THRB: variants seen among roughly 807,000 people sequenced by gnomAD.
The protein encoded by THRB is thyroid hormone receptor beta.
THRB carries 12 observed loss-of-function variants against 47.8 expected under a neutral mutation model. The observed-to-expected ratio is 0.25, with a 90% confidence interval of 0.16 to 0.41. The LOEUF is 0.41. THRB is among the 10% of genes least tolerant of loss of function. The pLI, the probability that THRB is intolerant of heterozygous loss-of-function variation, is 1.00. For synonymous variants in THRB, 218 were observed against 212.2 expected (o/e 1.03, Z -0.24); for missense variants, 348 against 589.2 (o/e 0.59, Z 4.24).
chr3:24,292,305 T>C (rs73148356), intron 3 of THRB, among the ~76,000 whole-genome samples: 5,039 of 152,268 alleles, frequency 0.033, 290 homozygotes, highest in African/African-American at 0.12. Flanking sequence ...CTCAATGTTA[T>C]TACTATTTTT....
At chr3:24,302,122 C>T (rs1330116836) in intron 2 of THRB, among the ~76,000 whole-genome samples, 1 of 152,170 alleles carries the variant, frequency 6.6e-6, no homozygotes, top group Non-Finnish European at 1.5e-5. Context: ...ATGTTTGCTG[C>T]TTAATTTAAA....
In THRB at chr3:24,205,860, A is replaced by G. The variant is rs528780438; in HGVS notation, c.23-15526T>C. On this transcript the variant is annotated intron_variant, in intron 4 of 10. Transcript: ENST00000646209. ...GGCAGAGGTTGCAATCCTAGTCTCC[A>G]ATAAAACAGACTTTAAACCAACAAA... 6.7e-4 allele frequency among the ~76,000 whole-genome samples: 102 copies of G among 152,282 alleles called. 1 individual carries two copies. The highest frequency in any genetic ancestry group is 1.9e-3 in the African/African-American group (81 of 41,562).
intron 2 of THRB, among the ~76,000 whole-genome samples, chr3:24,308,843 G>A (rs976033885): frequency 6.6e-6 from 1 of 152,088 alleles, no homozygotes; most frequent in African/African-American, 2.4e-5. Context: ...TATGGAATAG[G>A]TGCATGTTCC....
At chr3:24,238,654 A>G (rs991170570) in intron 3 of THRB, among the ~76,000 whole-genome samples, 3 of 152,144 alleles carry the variant, frequency 2.0e-5, no homozygotes, top group African/African-American at 7.2e-5. Flanking sequence ...TGTCCCAGGG[A>G]GACAGTGTCT....
intron 3 of THRB, among the ~76,000 whole-genome samples, chr3:24,232,234 T>G (rs2048327948): frequency 6.6e-6 from 1 of 152,226 alleles, no homozygotes; most frequent in African/African-American, 2.4e-5. Context: ...GGTCATTCAT[T>G]TGTTTGGTTA....
intron 1 of THRB, among the ~76,000 whole-genome samples, chr3:24,417,880 A>C (rs2068893866): frequency 6.6e-6 from 1 of 151,882 alleles, no homozygotes; most frequent in South Asian, 2.1e-4. Flanking sequence ...TAGAGGAATT[A>C]AGTAATTCAG....
intron 4 of THRB, among the ~76,000 whole-genome samples, chr3:24,219,277 G>C (rs1433144936): frequency 6.6e-6 from 1 of 152,180 alleles, no homozygotes; most frequent in Admixed American, 6.5e-5. Flanking sequence ...CTGGGTGACA[G>C]AGTGTGAGAC....
At chr3:24,481,666 G>A (rs922781284) in intron 1 of THRB, among the ~76,000 whole-genome samples, 1 of 152,040 alleles carries the variant, frequency 6.6e-6, no homozygotes, top group Non-Finnish European at 1.5e-5. Context: ...TGTCATTGGA[G>A]TGGCATGTTT....
chr3:24,372,133 C>T (rs1005945758), intron 1 of THRB, among the ~76,000 whole-genome samples: 2 of 152,060 alleles, frequency 1.3e-5, no homozygotes, highest in African/African-American at 4.8e-5. Context: ...CATGAGAACA[C>T]TGAGGCTTAA....
intron 1 of THRB, among the ~76,000 whole-genome samples, chr3:24,417,095 AAC>A (rs67541584): frequency 0.038 from 5,086 of 135,576 alleles, 103 homozygotes; most frequent in African/African-American, 0.058. Context: ...ATTTTAAACC[AAC>A]ACACACACAC....
intron 2 of THRB, among the ~76,000 whole-genome samples, chr3:24,298,215 T>A (rs1190147706): frequency 6.6e-6 from 1 of 152,228 alleles, no homozygotes; most frequent in Non-Finnish European, 1.5e-5. Context: ...AATAGACACA[T>A]GCAGAGATTG....
At chr3:24,303,638 T>G (rs992746101) in intron 2 of THRB, among the ~76,000 whole-genome samples, 1 of 152,228 alleles carries the variant, frequency 6.6e-6, no homozygotes, top group Non-Finnish European at 1.5e-5. Flanking sequence ...TTGATAGTTA[T>G]GCAACATTAC....
intron 1 of THRB, among the ~76,000 whole-genome samples, chr3:24,386,348 A>C (rs375635092): frequency 6.6e-6 from 1 of 152,024 alleles, no homozygotes; most frequent in African/African-American, 2.4e-5. Flanking sequence ...TCTCTGCCCA[A>C]CCACCTCTAG....
intron 2 of THRB, among the ~76,000 whole-genome samples, chr3:24,311,261 A>C (rs2057737356): frequency 6.6e-6 from 1 of 152,220 alleles, no homozygotes; most frequent in Non-Finnish European, 1.5e-5. Flanking sequence ...GCAGGACAGA[A>C]AAATGGAGTT....
At chr3:24,358,117 A>G (rs1251913960) in intron 1 of THRB, among the ~76,000 whole-genome samples, 2 of 152,182 alleles carry the variant, frequency 1.3e-5, no homozygotes, top group Admixed American at 6.6e-5. Context: ...GAATAAATTA[A>G]TAAATGCTTT....
intron 1 of THRB, among the ~76,000 whole-genome samples, chr3:24,389,494 T>C (rs937793917): frequency 6.6e-6 from 1 of 152,216 alleles, no homozygotes; most frequent in Non-Finnish European, 1.5e-5. Flanking sequence ...TAGTTAAGGT[T>C]GTCAGAATTT....
At chr3:24,368,932 G>T (rs185327298) in intron 1 of THRB, among the ~76,000 whole-genome samples, 1 of 152,158 alleles carries the variant, frequency 6.6e-6, no homozygotes, top group African/African-American at 2.4e-5. Context: ...TCGGAGGGGA[G>T]AGATCAGGTT....
At chr3:24,138,050 G>A (rs910631944) in intron 8 of THRB, among the ~76,000 whole-genome samples, 1 of 151,996 alleles carries the variant, frequency 6.6e-6, no homozygotes, top group South Asian at 2.1e-4. Context: ...TGCTCAGCAC[G>A]GGTGAGGCTG....
intron 2 of THRB, among the ~76,000 whole-genome samples, chr3:24,298,982 TCATGCCTGTAATCC>T (rs1371277963): frequency 2.6e-5 from 4 of 152,060 alleles, no homozygotes; most frequent in African/African-American, 9.7e-5. Context: ...GCGCGGTGGC[TCATGCCTGTAATCC>T]CAGCACTTTG....
Sources: gnomAD v4.1 joint callset for allele counts (sites outside exome capture counted in the v4.1 genomes callset) on GRCh38, gnomAD v4.1.1 for gene constraint, MANE v1.5 for transcripts, NCBI Gene and HGNC (gene_info 2026-07-23, HGNC 2026-07-21) for gene names.